Variants in DHRS9 observed in about 807,000 individuals in gnomAD.
The protein encoded by DHRS9 is dehydrogenase/reductase SDR family member 9.
A neutral mutation model predicts 26.6 loss-of-function variants in DHRS9; 18 were observed. That is an observed-to-expected ratio of 0.68 (90% CI 0.47 to 1.00). The LOEUF (loss-of-function observed/expected upper bound fraction) is 1.00, where lower values mean the gene tolerates loss of function less well. Among genes scored for constraint, DHRS9 ranks in the 50% least tolerant of loss-of-function variants. The pLI is 0.00. For synonymous variants in DHRS9, 134 were observed against 141.1 expected, an observed-to-expected ratio of 0.95 and a Z score of 0.36; for missense variants, 425 against 378.7, an observed-to-expected ratio of 1.12 and a Z score of -1.01.
intron 1 of DHRS9, among the ~76,000 whole-genome samples, chr2:169,074,756 T>TGAACCTCAGAGACTGAAGAA (rs66927685): frequency 6.6e-6 from 1 of 151,696 alleles, no homozygotes; most frequent in African/African-American, 2.4e-5. Flanking sequence ...TAGAGGAATC[T>TGAACCTCAGAGACTGAAGAA]GAACCAGCAT....
At chr2:169,077,874 T>A (rs1194885726) in intron 1 of DHRS9, among the ~76,000 whole-genome samples, 1 of 152,238 alleles carries the variant, frequency 6.6e-6, no homozygotes. Context: ...TCAGTTATTA[T>A]ACTATAACAG....
At chr2:169,075,084 A>C (rs548900757) in intron 1 of DHRS9, among the ~76,000 whole-genome samples, 58 of 152,332 alleles carry the variant, frequency 3.8e-4, no homozygotes, top group African/African-American at 1.3e-3. Context: ...TTACCAAAGC[A>C]TAGATGACAG....
intron 3 of DHRS9, among the ~76,000 whole-genome samples, chr2:169,086,480 T>C (rs1220955262): frequency 6.6e-6 from 1 of 152,138 alleles, no homozygotes; most frequent in Admixed American, 6.5e-5. Context: ...CCAGGATTGG[T>C]CTCTTGTGTC....
In DHRS9 at chr2:169,081,597, C is replaced by T. The variant is rs139200987; in HGVS notation, c.16C>T (p.Leu6=). ...AGGGGGAAAAATGCTCTTTTGGGTG[C>T]TAGGCCTCCTAATCCTCTGTGGTTT... The part of the protein sequence containing the change: MLFWV[L]GLLILCGFLW... The change falls in exon 2 of 5, where the codon CTA becomes TTA. Residue 6 remains leucine, a synonymous_variant. Coordinates refer to ENST00000674881, the MANE Select transcript of DHRS9 (RefSeq NM_001376924.1). The T allele has an allele frequency of 1.5e-4, 243 of 1,614,002 alleles. No individual in the cohort carries two copies. The African/African-American group carries it at 3.0e-3, about 20-fold the overall frequency.
intron 1 of DHRS9, among the ~76,000 whole-genome samples, chr2:169,079,890 A>AGAGAGAGGGAGG (rs1558951384): frequency 4.1e-5 from 4 of 98,180 alleles, no homozygotes; most frequent in Admixed American, 4.0e-4. Context: ...AGAAAGAGAG[A>AGAGAGAGGGAGG]GAGAGAGGGA....
In DHRS9 at chr2:169,095,807, G is replaced by C; in HGVS notation, c.*40G>C. On this transcript the variant is annotated 3_prime_UTR_variant, in exon 5 of 5. Transcript: ENST00000674881. ...AATGTCTCCTCCAGGCTATGAAATTGGCCGATTTCAAGAACACATCTCCTT... is the reference window on the plus strand; with the variant it reads ...AATGTCTCCTCCAGGCTATGAAATTCGCCGATTTCAAGAACACATCTCCTT... 6.3e-7 allele frequency: 1 copy of C among 1,581,474 alleles called. No homozygotes were observed. The highest frequency in any genetic ancestry group is 8.7e-7 in the Non-Finnish European group (1 of 1,152,912).
At chr2:169,081,219 C>T (rs1574027998) in intron 1 of DHRS9, 2 of 949,878 alleles carry the variant, frequency 2.1e-6, no homozygotes, top group East Asian at 5.9e-5. Context: ...AATACCATCA[C>T]TCCACATAGC....
chr2:169,083,648 T>C, intron 3 of DHRS9, 61 bp downstream of exon 3: 3 of 1,570,886 alleles, frequency 1.9e-6, no homozygotes, highest in Non-Finnish European at 2.6e-6. Flanking sequence ...TGAATGCTTA[T>C]GTACAAGACA....
chr2:169,085,375 T>G (rs2105295592), intron 3 of DHRS9, among the ~76,000 whole-genome samples: 1 of 152,300 alleles, frequency 6.6e-6, no homozygotes, highest in East Asian at 1.9e-4. Flanking sequence ...AAGAATGTCA[T>G]TGGTATTTTG....
chr2:169,090,381 A>G (rs535425817), intron 3 of DHRS9, among the ~76,000 whole-genome samples: 33 of 152,380 alleles, frequency 2.2e-4, no homozygotes, highest in Admixed American at 9.8e-4. Context: ...TGGCACTGCT[A>G]CTTCCACAAT....
At chr2:169,081,290 C>A in intron 1 of DHRS9, 1 of 818,272 alleles carries the variant, frequency 1.2e-6, no homozygotes, top group Non-Finnish European at 1.7e-6. Flanking sequence ...CCCTCTCCCT[C>A]TCTTCCATTT....
rs1280934451 is a variant in DHRS9 at position 169,091,966 on chromosome 2, G to A, written c.736+13G>A. 1.2e-6 allele frequency: 2 copies of A among 1,612,392 alleles called. No individual in the cohort carries two copies. Among genetic ancestry groups the A allele is most frequent in the African/African-American group, 1.3e-5 (1 of 74,804 alleles). On this transcript the variant is annotated intron_variant, in intron 4 of 4. Coordinates refer to ENST00000674881, the MANE Select transcript of DHRS9 (RefSeq NM_001376924.1). ...TACATTGAAAAAAGTGAGTTTCCGGGCGGTGCCAATGTCCTCTAGAATTCT... is the reference window on the plus strand; with the variant it reads ...TACATTGAAAAAAGTGAGTTTCCGGACGGTGCCAATGTCCTCTAGAATTCT...
chr2:169,092,742 G>C (rs1325307382), intron 4 of DHRS9, among the ~76,000 whole-genome samples: 1 of 152,168 alleles, frequency 6.6e-6, no homozygotes, highest in Middle Eastern at 3.2e-3. Flanking sequence ...AAGAGATTGA[G>C]TCAGAGATGG....
At chr2:169,072,623 C>T (rs551930243) in intron 1 of DHRS9, 47 of 985,376 alleles carry the variant, frequency 4.8e-5, no homozygotes, top group South Asian at 1.4e-4. Context: ...TCAAGGAGAG[C>T]GCTCGAGTTG....
rs1266983273 is a variant in DHRS9 at position 169,083,215 on chromosome 2, A to C, written c.314-114A>C. 3.7e-6 allele frequency: 5 copies of C among 1,355,076 alleles called. No individual in the cohort carries two copies. The African/African-American group carries it at 7.3e-5, about 20-fold the overall frequency. 83.9% of individuals were successfully genotyped at this position (1,355,076 alleles called of 1,614,324 possible). A position where few individuals can be genotyped will look rare whatever the true frequency, so the allele number is the denominator to read the frequency against. Reference sequence around the variant, plus strand: ...AACTGCGAAGTATTTCAGAGTAGGAAAATGACTTCAAGGAGGAAATGGCAC... The same window carrying C: ...AACTGCGAAGTATTTCAGAGTAGGACAATGACTTCAAGGAGGAAATGGCAC... On this transcript the variant is annotated intron_variant, in intron 2 of 4. Transcript: ENST00000674881.
chr2:169,068,983 G>A (rs1293395811), upstream of DHRS9, among the ~76,000 whole-genome samples: 2 of 152,156 alleles, frequency 1.3e-5, no homozygotes, highest in Non-Finnish European at 2.9e-5. Context: ...GAGGGGAGGA[G>A]GCATCCTTTC....
chr2:169,091,623 T>A (rs1684529720), intron 3 of DHRS9, among the ~76,000 whole-genome samples, 167 bp from the exon 4 acceptor site: 1 of 152,214 alleles, frequency 6.6e-6, no homozygotes, highest in African/African-American at 2.4e-5. Context: ...ACTCTGAACC[T>A]CAGTTTCCTC....
At chr2:169,067,096 C>A, upstream of DHRS9, 2 of 1,531,798 alleles carry the variant, frequency 1.3e-6, no homozygotes, top group South Asian at 2.4e-5. Flanking sequence ...TATAGTCGTT[C>A]AGAGAAACAT....
chr2:169,072,610 T>A (rs933700951), intron 1 of DHRS9: 2 of 985,300 alleles, frequency 2.0e-6, no homozygotes, highest in Non-Finnish European at 2.4e-6. Flanking sequence ...AAAGCAGAAG[T>A]GATCAAGGAG....
Sources: allele counts gnomAD v4.1 joint callset (sites outside exome capture counted in the v4.1 genomes callset), GRCh38; gene constraint gnomAD v4.1.1; transcripts MANE v1.5; gene names NCBI Gene and HGNC (gene_info 2026-07-23, HGNC 2026-07-21).